The following RRM1 variants were observed in gnomAD, a reference collection of about 807,000 sequenced individuals.
The protein encoded by RRM1 is ribonucleotide reductase catalytic subunit M1, also known as ribonucleoside-diphosphate reductase large subunit.
Under a neutral mutation model 101.5 loss-of-function variants are expected in RRM1, and 19 were observed. That is an observed-to-expected ratio of 0.19 (90% CI 0.13 to 0.27). The LOEUF is 0.27. Among genes scored for constraint, RRM1 ranks in the 10% least tolerant of loss-of-function variants. The pLI is 1.00. For missense variants in RRM1, 500 were observed against 962.9 expected (o/e 0.52, Z 6.36); for synonymous variants, 298 against 323.4 (o/e 0.92, Z 0.84).
chr11:4,104,759 G>A lies in RRM1; in HGVS notation c.109-1287G>A, dbSNP rs556169695. Among the ~76,000 whole-genome samples, 134 of 152,242 alleles carry A rather than the reference G, an allele frequency of 8.8e-4. 1 individual carries two copies. The highest frequency in any genetic ancestry group is 3.2e-3 in the African/African-American group (134 of 41,530). On this transcript the variant is annotated intron_variant, in intron 2 of 18. Transcript: ENST00000300738. ...TGAGAATCATTTGAACCTCGGGGGC[G>A]GAGGTTGCACTTTGTAATTTGTGAA...
intron 15 of RRM1, among the ~76,000 whole-genome samples, chr11:4,130,556 C>T (rs914638642): frequency 6.6e-6 from 1 of 151,896 alleles, no homozygotes; most frequent in Non-Finnish European, 1.5e-5. Context: ...ATTAGCTGGG[C>T]GTGGTGGTGC....
rs867539704 is a variant in RRM1 at position 4,103,844 on chromosome 11, G to T, written c.108+1763G>T. 9.7e-5 allele frequency among the ~76,000 whole-genome samples: 13 copies of T among 134,410 alleles called. No homozygotes were observed. The Middle Eastern group carries it at 0.019, about 191-fold the overall frequency. 88.2% of individuals were successfully genotyped at this position (134,410 alleles called of 152,430 possible). The stretch of plus-strand genomic sequence containing the variant: ...GGGTTTTGCTATGTTGGCCAGGCTC[G>T]TCTTGAACTCCTGACCTCAAGTTAT... On this transcript the variant is annotated intron_variant, in intron 2 of 18. Transcript: ENST00000300738.
intron 17 of RRM1, 40 bp downstream of exon 17, chr11:4,133,698 T>A (rs369852259): frequency 6.8e-6 from 8 of 1,180,412 alleles, no homozygotes; most frequent in Non-Finnish European, 1.0e-5. Context: ...AGGGGCTGAG[T>A]TGGACATTGT....
intron 7 of RRM1, among the ~76,000 whole-genome samples, chr11:4,113,734 C>G (rs1008628842): frequency 2.0e-5 from 3 of 152,144 alleles, no homozygotes; most frequent in Non-Finnish European, 4.4e-5. Flanking sequence ...AGGTTACAAA[C>G]CTGTGTAGCA....
Position 4,121,839 on chromosome 11 carries a change from A to G in RRM1, c.1038+74A>G, listed in dbSNP as rs1484015945. 7.8e-6 allele frequency: 11 copies of G among 1,414,300 alleles called. No individual in the cohort carries two copies. The Middle Eastern group carries it at 1.3e-3, about 165-fold the overall frequency. 87.6% of individuals were successfully genotyped at this position (1,414,300 alleles called of 1,614,324 possible). A position where few individuals can be genotyped will look rare whatever the true frequency, so the allele number is the denominator to read the frequency against. On this transcript the variant is annotated intron_variant, in intron 10 of 18. Transcript: ENST00000300738. ...TTCTCTTTTTTAGTCATCTTAAGTC[A>G]TGCTTAGGAAGAGCCCATATGTGTG...
At chr11:4,135,495 A>G (rs2094607935) in intron 18 of RRM1, among the ~76,000 whole-genome samples, 1 of 152,152 alleles carries the variant, frequency 6.6e-6, no homozygotes, top group African/African-American at 2.4e-5. Context: ...GAAACCTTGT[A>G]GTTACCTGTG....
chr11:4,105,883 G>A (rs111730996), intron 2 of RRM1, among the ~76,000 whole-genome samples, 163 bp from the exon 3 acceptor site: 4 of 151,630 alleles, frequency 2.6e-5, no homozygotes, highest in East Asian at 1.9e-4. Context: ...TAATAGTGTC[G>A]TGAACTGCTA....
chr11:4,135,368 T>G (rs1278641564), intron 18 of RRM1, 98 bp downstream of exon 18: 1 of 905,146 alleles, frequency 1.1e-6, no homozygotes, highest in African/African-American at 1.7e-5. Flanking sequence ...TATTATCACC[T>G]AGAAGTTCTT....
chr11:4,111,682 T>C, intron 6 of RRM1, 42 bp downstream of exon 6: 1 of 1,501,548 alleles, frequency 6.7e-7, no homozygotes, highest in Non-Finnish European at 9.2e-7. Flanking sequence ...TTCTACTCAT[T>C]ATATTGAATG....
intron 5 of RRM1, 26 bp from the exon 6 acceptor site, chr11:4,111,575 A>AT: frequency 6.3e-7 from 1 of 1,577,988 alleles, no homozygotes; most frequent in South Asian, 1.2e-5. Flanking sequence ...TGCTCTGAAA[A>AT]TTTTTTGTTG....
intron 13 of RRM1, 65 bp from the exon 14 acceptor site, chr11:4,126,970 A>G (rs72555792): frequency 1.0e-4 from 148 of 1,485,492 alleles, no homozygotes; most frequent in Non-Finnish European, 1.3e-4. Flanking sequence ...CTCATTTGGT[A>G]CAGAATGTTG....
Position 4,111,934 on chromosome 11 carries a change from A to G in RRM1, c.522A>G (p.Val174=), listed in dbSNP as rs746278014. 2.5e-6 allele frequency: 4 copies of G among 1,614,016 alleles called. No individual in the cohort carries two copies. Among genetic ancestry groups the G allele is most frequent in the African/African-American group, 1.3e-5 (1 of 74,936 alleles). Residue 174 remains valine (V), a synonymous_variant, in exon 7 of 19, where the codon GTA becomes GTG. Transcript: ENST00000300738. Reference sequence around the variant, plus strand: ...GACCACAACATATGTTGATGAGAGTATCTGTTGGGATCCACAAAGAAGACA... The same window carrying G: ...GACCACAACATATGTTGATGAGAGTGTCTGTTGGGATCCACAAAGAAGACA... ...AERPQHMLMR[V]SVGIHKEDID... is the part of the protein sequence containing the mutation.
intron 7 of RRM1, among the ~76,000 whole-genome samples, chr11:4,114,648 T>C (rs1412673774): frequency 6.6e-6 from 1 of 152,224 alleles, no homozygotes; most frequent in Non-Finnish European, 1.5e-5. Context: ...AAAAATATTT[T>C]CTTCAATAAT....
chr11:4,111,748 G>T, intron 6 of RRM1, 108 bp downstream of exon 6: 1 of 1,230,980 alleles, frequency 8.1e-7, no homozygotes. Context: ...ATAACATTTT[G>T]GACTTTAGGT....
chr11:4,121,705 A>G lies in RRM1; in HGVS notation c.978A>G (p.Arg326=), dbSNP rs2094582138. Residue 326 remains arginine (R), a synonymous_variant, in exon 10 of 19, where the codon AGA becomes AGG. Transcript: ENST00000300738. ...KNTGKEEQRA[R]DLFFALWIPD... is the part of the protein sequence containing the mutation. ...CAGGAAAGGAAGAGCAGCGTGCCAGAGATCTTTTCTTTGCTCTTTGGATTC... is the reference window on the plus strand; with the variant it reads ...CAGGAAAGGAAGAGCAGCGTGCCAGGGATCTTTTCTTTGCTCTTTGGATTC... 6.2e-7 allele frequency: 1 copy of G among 1,613,660 alleles called. No individual in the cohort carries two copies. Among genetic ancestry groups the G allele is most frequent in the African/African-American group, 1.3e-5 (1 of 74,926 alleles).
At chr11:4,119,817 G>C in intron 8 of RRM1, 28 bp from the exon 9 acceptor site, 1 of 1,437,554 alleles carries the variant, frequency 7.0e-7, no homozygotes. Context: ...AGTGCCCTCT[G>C]TCATTTCTAT....
chr11:4,107,574 TC>T (rs757743240), intron 4 of RRM1, 39 bp downstream of exon 4: 1 of 1,297,024 alleles, frequency 7.7e-7, no homozygotes, highest in Non-Finnish European at 1.1e-6. Flanking sequence ...TTTTTGAGAG[TC>T]TTTTTTAATA....
Position 4,106,174 on chromosome 11 carries a change from C to T in RRM1, c.237C>T (p.Ala79=), listed in dbSNP as rs769263947. The T allele has an allele frequency of 4.3e-6, 7 of 1,613,890 alleles. No homozygotes were observed. In the East Asian group the frequency reaches 1.1e-4, roughly 26 times the overall value. The stretch of plus-strand genomic sequence containing the variant: ...ACCCTGACTATGCTATCCTGGCAGC[C>T]AGGATCGCTGTCTCTAACTTGCACA... ...TKHPDYAILA[A]RIAVSNLHKE... is the part of the protein sequence containing the mutation. The change falls in exon 3 of 19, where the codon GCC becomes GCT. Residue 79 remains alanine, a synonymous_variant. Transcript: ENST00000300738.
intron 14 of RRM1, among the ~76,000 whole-genome samples, chr11:4,127,984 A>G (rs2284450): frequency 6.6e-6 from 1 of 151,794 alleles, no homozygotes; most frequent in African/African-American, 2.4e-5. Flanking sequence ...TTCTCTTCCA[A>G]GCTTACCTGG....
Sources: allele counts gnomAD v4.1 joint callset (sites outside exome capture counted in the v4.1 genomes callset), GRCh38; gene constraint gnomAD v4.1.1; transcripts MANE v1.5; gene names NCBI Gene and HGNC (gene_info 2026-07-23, HGNC 2026-07-21).